POMT1: variants seen among roughly 807,000 people sequenced by gnomAD.
POMT1 encodes protein O-mannosyl-transferase 1.
In POMT1, 85 loss-of-function variants were observed where a neutral mutation model predicts 101.6. That is an observed-to-expected ratio of 0.84 (90% CI 0.70 to 1.00). The LOEUF (loss-of-function observed/expected upper bound fraction) is 1.00, where lower values mean the gene tolerates loss of function less well. Among genes scored for constraint, POMT1 ranks in the 50% least tolerant of loss-of-function variants. The pLI is 0.00. For missense variants in POMT1, 857 were observed against 930.4 expected (o/e 0.92, Z 1.03); for synonymous variants, 371 against 383.0 (o/e 0.97, Z 0.37).
intron 9 of POMT1, chr9:131,510,978 G>GAA: frequency 7.2e-6 from 2 of 279,514 alleles, no homozygotes; most frequent in South Asian, 4.2e-5. Flanking sequence ...CCGACGGCCA[G>GAA]TGCTGTAGTG....
chr9:131,517,652 G>C (rs531406655), intron 13 of POMT1, among the ~76,000 whole-genome samples: 1 of 152,160 alleles, frequency 6.6e-6, no homozygotes, highest in East Asian at 1.9e-4. Context: ...ATCTGTGTGC[G>C]TTCTGCATTT....
At chr9:131,505,943 C>G (rs935638418) in intron 2 of POMT1, among the ~76,000 whole-genome samples, 171 bp from the exon 3 acceptor site, 1 of 152,156 alleles carries the variant, frequency 6.6e-6, no homozygotes, top group Admixed American at 6.5e-5. Context: ...GTGGGTGATG[C>G]TGTATGCATC....
At chr9:131,511,871 T>G (rs916336824) in intron 10 of POMT1, 170 bp from the exon 11 acceptor site, 9 of 705,424 alleles carry the variant, frequency 1.3e-5, no homozygotes, top group Non-Finnish European at 1.9e-5. Context: ...TTTCTTTCCC[T>G]TTCTTTTCTT....
In POMT1 at chr9:131,504,285, A is replaced by C; in HGVS notation, c.67A>C (p.Thr23Pro). Residue 23 changes from threonine to proline, a missense_variant, in exon 2 of 20, where the codon ACT becomes CCT. By Grantham distance (38) the Thr-to-Pro change is conservative. Transcript: ENST00000402686. ...ADINLSLVAL[T>P]GMGLLSRLWR... ...CATCAACTTGAGCCTTGTGGCCCTG[A>C]CTGGGATGGGGTTACTGAGCCGGCT... is the stretch of plus-strand genomic sequence containing the variant. 6.2e-7 allele frequency: 1 copy of C among 1,614,082 alleles called. No homozygotes were observed. Among genetic ancestry groups the C allele is most frequent in the Non-Finnish European group, 8.5e-7 (1 of 1,180,020 alleles).
intron 12 of POMT1, 96 bp downstream of exon 12, chr9:131,513,427 C>T: frequency 2.7e-6 from 3 of 1,099,354 alleles, no homozygotes; most frequent in South Asian, 2.7e-5. Context: ...GGCCGCTGCC[C>T]CCTGTCTACC....
rs748211086 is a variant in POMT1, at chr9:131,504,197, C to T, written c.-22C>T. The T allele has an allele frequency of 3.1e-6, 5 of 1,614,044 alleles. No homozygotes were observed. The highest frequency in any genetic ancestry group is 2.2e-5 in the South Asian group (2 of 91,084). ...CCTCCCTTCTTTTCTAGGGCGTCTGCCTGAGCCCGCTTTTCTACAAGATGT... is the reference window on the plus strand; with the variant it reads ...CCTCCCTTCTTTTCTAGGGCGTCTGTCTGAGCCCGCTTTTCTACAAGATGT... On this transcript the variant is annotated 5_prime_UTR_variant, in exon 2 of 20. Transcript: ENST00000402686.
chr9:131,515,648 G>C, intron 13 of POMT1, 126 bp downstream of exon 13: 1 of 868,358 alleles, frequency 1.2e-6, no homozygotes, highest in Non-Finnish European at 1.9e-6. Flanking sequence ...TCATCACACG[G>C]AGCACTTCCT....
rs1950141493 is a variant in POMT1, at chr9:131,522,451, TG to T, written c.2003+231del. The T allele has an allele frequency of 7.9e-6, 7 of 885,322 alleles. No homozygotes were observed. The South Asian group carries it at 1.2e-4, about 16-fold the overall frequency. 54.8% of individuals were successfully genotyped at this position (885,322 alleles called of 1,614,324 possible). Reference sequence around the variant, plus strand: ...CTGACAGAGATGAAAGCGGAGTGGGTGGGGAGACGGGGAGGGGATGAAGAGA... The same window carrying T: ...CTGACAGAGATGAAAGCGGAGTGGGTGGGAGACGGGGAGGGGATGAAGAGA... On this transcript the variant is annotated intron_variant, in intron 19 of 19. Transcript: ENST00000402686. The surrounding 1 kb of genome is among the most constrained non-coding windows in gnomAD (Gnocchi z 5.5).
At position 131,519,936 on chromosome 9, in the gene POMT1, A is replaced by G; in HGVS notation, c.1585-144A>G. 1.4e-6 allele frequency: 1 copy of G among 713,512 alleles called. No homozygotes were observed. Among genetic ancestry groups the G allele is most frequent in the East Asian group, 2.7e-5 (1 of 37,092 alleles). The allele number at this position is 713,512 out of a possible 1,614,324, so 44.2% of individuals were successfully genotyped here. ...CAGGGCTGGAATCCAGGTTCTCATC[A>G]TGCTGCCTCCGATGCATGATCCGAA... On this transcript the variant is annotated intron_variant, in intron 16 of 19. Transcript: ENST00000402686. This position sits in a 1 kb window ranked among gnomAD's most constrained non-coding sequence, Gnocchi z 4.3.
rs1448676300 is a variant in POMT1 at position 131,503,593 on chromosome 9, T to C, written c.-31+520T>C. Among the ~76,000 whole-genome samples, 3 of 152,112 alleles carry C rather than the reference T, an allele frequency of 2.0e-5. No homozygotes were observed. The highest frequency in any genetic ancestry group is 7.2e-5 in the African/African-American group (3 of 41,420). On this transcript the variant is annotated intron_variant, in intron 1 of 19. Coordinates refer to ENST00000402686, the MANE Select transcript of POMT1 (RefSeq NM_001077365.2). This position sits in a 1 kb window ranked among gnomAD's most constrained non-coding sequence, Gnocchi z 4.4. Reference sequence around the variant, plus strand: ...AGGGTGTCCCAGGCCTGATGCAGCCTCAAGAGAAGCGGAGCTCAAGGGAAG... The same window carrying C: ...AGGGTGTCCCAGGCCTGATGCAGCCCCAAGAGAAGCGGAGCTCAAGGGAAG...
At chr9:131,515,656 C>T (rs1385822234) in intron 13 of POMT1, 134 bp downstream of exon 13, 1 of 821,178 alleles carries the variant, frequency 1.2e-6, no homozygotes. Context: ...CGGAGCACTT[C>T]CTCTAACACG....
intron 6 of POMT1, 86 bp downstream of exon 6, chr9:131,509,108 TGTTTC>T (rs200051679): frequency 1.3e-4 from 120 of 955,394 alleles, no homozygotes; most frequent in Admixed American, 2.7e-4. Context: ...TACCTTTTTT[TGTTTC>T]GTTTTGTGAG....
rs3887873 is a variant in POMT1, at chr9:131,510,048, C to T, written c.699+52C>T. The T allele has an allele frequency of 0.12, 193,857 of 1,613,992 alleles. 12,650 individuals carry two copies. The highest frequency in any genetic ancestry group is 0.13 in the Non-Finnish European group (155,593 of 1,179,934). On this transcript the variant is annotated intron_variant, in intron 8 of 19. Coordinates refer to ENST00000402686, the MANE Select transcript of POMT1 (RefSeq NM_001077365.2). ...GAGGCCGGCCTGTATGGGGCAGATG[C>T]AGATGTCACAGGGGGTACTTGGTGA...
In POMT1 at chr9:131,502,976, T is replaced by G. The variant is rs942890836; in HGVS notation, c.-128T>G. ...GAGCAGGGCGGTGGGTGGTGCGGAGTGCCGAGCGGCCTCACCCCCAACCGT... is the reference window on the plus strand; with the variant it reads ...GAGCAGGGCGGTGGGTGGTGCGGAGGGCCGAGCGGCCTCACCCCCAACCGT... On this transcript the variant is annotated 5_prime_UTR_variant, in exon 1 of 20. Transcript: ENST00000402686. The G allele has an allele frequency of 6.6e-6, 1 of 152,122 alleles. No homozygotes were observed. Among genetic ancestry groups the G allele is most frequent in the African/African-American group, 2.4e-5 (1 of 41,370 alleles). 9.4% of individuals were successfully genotyped at this position (152,122 alleles called of 1,614,324 possible).
At chr9:131,509,065 T>G (rs1266133968) in intron 6 of POMT1, 43 bp downstream of exon 6, 1 of 1,420,712 alleles carries the variant, frequency 7.0e-7, no homozygotes, top group African/African-American at 1.4e-5. Flanking sequence ...AGAACAGAGA[T>G]TCTGGGTGGT....
chr9:131,506,960 G>A (rs112014042), intron 4 of POMT1, among the ~76,000 whole-genome samples: 2,956 of 151,964 alleles, frequency 0.019, 83 homozygotes, highest in African/African-American at 0.066. Flanking sequence ...CCAGCAACTC[G>A]GGAGGCTGAG....
chr9:131,515,835 T>C (rs1948318815), intron 13 of POMT1, among the ~76,000 whole-genome samples: 3 of 109,406 alleles, frequency 2.7e-5, no homozygotes, highest in African/African-American at 7.4e-5. Context: ...ACAGGACACT[T>C]CCTCACACGG....
At chr9:131,511,811 C>T (rs985166512) in intron 10 of POMT1, 3 of 593,922 alleles carry the variant, frequency 5.1e-6, no homozygotes, top group Non-Finnish European at 8.9e-6. Context: ...TTTGCAGAAA[C>T]TTTAGGAGAA....
chr9:131,504,413 A>T, intron 2 of POMT1, 73 bp downstream of exon 2: 1 of 1,609,194 alleles, frequency 6.2e-7, no homozygotes, highest in Non-Finnish European at 8.5e-7. Flanking sequence ...CTTACTGAAT[A>T]GCATAAATGG....
Sources: allele counts gnomAD v4.1 joint callset (sites outside exome capture counted in the v4.1 genomes callset), GRCh38; gene constraint gnomAD v4.1.1; non-coding constraint Gnocchi (gnomAD v3.1); transcripts MANE v1.5; gene names NCBI Gene and HGNC (gene_info 2026-07-23, HGNC 2026-07-21).